KCNMB2: variants seen among roughly 807,000 people sequenced by gnomAD.
KCNMB2 encodes the protein calcium-activated potassium channel subunit beta-2.
In KCNMB2, 9 loss-of-function variants were observed where a neutral mutation model predicts 24.5. That is an observed-to-expected ratio of 0.37 (90% confidence interval 0.22 to 0.64). The LOEUF (loss-of-function observed/expected upper bound fraction) is 0.64, where lower values mean the gene tolerates loss of function less well. Among genes scored for constraint, KCNMB2 ranks in the 30% least tolerant of loss-of-function variants. The pLI, the probability that KCNMB2 is intolerant of heterozygous loss-of-function variation, is 0.63. For synonymous variants in KCNMB2, 109 were observed against 104.4 expected (o/e 1.04, Z -0.27); for missense variants, 226 against 284.3 (o/e 0.79, Z 1.47).
intron 1 of KCNMB2, among the ~76,000 whole-genome samples, chr3:178,560,136 T>C (rs1716264323): frequency 6.7e-6 from 1 of 150,102 alleles, no homozygotes; most frequent in African/African-American, 2.4e-5. Context: ...AGAAAGAAAA[T>C]AATTGGCAAG....
In KCNMB2 at chr3:178,759,141, T is replaced by TAC. The variant is rs1394594786; in HGVS notation, c.-67-48201_-67-48200insCA. The stretch of plus-strand genomic sequence containing the variant: ...TATATATATATATCTCCAAGAGGGA[T>TAC]ATATATATATATCTATCTCCAAGAG... On this transcript the variant is annotated intron_variant, in intron 1 of 4. Coordinates refer to ENST00000452583, the MANE Select transcript of KCNMB2 (RefSeq NM_181361.3). Among the ~76,000 whole-genome samples, 81 of 59,882 alleles carry TAC rather than the reference T, an allele frequency of 1.4e-3. 12 individuals are homozygous for TAC. The highest frequency in any genetic ancestry group is 3.8e-3 in the African/African-American group (41 of 10,806). The allele number at this position is 59,882 out of a possible 152,430, so 39.3% of individuals were successfully genotyped here.
intron 1 of KCNMB2, among the ~76,000 whole-genome samples, chr3:178,570,738 T>C (rs1330801302): frequency 1.3e-5 from 2 of 152,190 alleles, no homozygotes; most frequent in Non-Finnish European, 2.9e-5. Context: ...AAGAAATGAC[T>C]GTCAAGAAAA....
chr3:178,714,028 G>T (rs1424250228), intron 1 of KCNMB2, among the ~76,000 whole-genome samples: 1 of 152,026 alleles, frequency 6.6e-6, no homozygotes, highest in East Asian at 1.9e-4. Flanking sequence ...TTTTTCTGTT[G>T]CCTGTGAAAA....
At chr3:178,653,621 A>T (rs1720212298) in intron 1 of KCNMB2, among the ~76,000 whole-genome samples, 1 of 152,102 alleles carries the variant, frequency 6.6e-6, no homozygotes. Flanking sequence ...AATCTTCATC[A>T]AGTGTTTTTG....
chr3:178,743,502 G>A (rs1274436542), intron 1 of KCNMB2, among the ~76,000 whole-genome samples: 1 of 152,156 alleles, frequency 6.6e-6, no homozygotes, highest in Non-Finnish European at 1.5e-5. Context: ...GCTACTACAA[G>A]TGGCCTGACT....
chr3:178,807,231 C>A, intron 1 of KCNMB2, 112 bp from the exon 2 acceptor site: 1 of 496,986 alleles, frequency 2.0e-6, no homozygotes, highest in African/African-American at 2.0e-5. Flanking sequence ...TTTTAATATG[C>A]AGCCGGGATT....
intron 1 of KCNMB2, among the ~76,000 whole-genome samples, chr3:178,621,757 C>T (rs529235643): frequency 1.2e-4 from 19 of 152,066 alleles, no homozygotes; most frequent in Non-Finnish European, 2.4e-4. Context: ...TAAAAAAACA[C>T]ATAAGTAGAC....
intron 4 of KCNMB2, among the ~76,000 whole-genome samples, chr3:178,838,618 T>C (rs934077766): frequency 7.3e-5 from 11 of 151,520 alleles, no homozygotes; most frequent in Admixed American, 3.9e-4. Flanking sequence ...GATAAAGTCA[T>C]GGGAAAGAGT....
intron 1 of KCNMB2, among the ~76,000 whole-genome samples, chr3:178,664,397 C>G (rs1448769231): frequency 6.6e-6 from 1 of 152,102 alleles, no homozygotes; most frequent in Non-Finnish European, 1.5e-5. Flanking sequence ...CTATAAAAAT[C>G]TAAGTCTGAA....
intron 1 of KCNMB2, among the ~76,000 whole-genome samples, chr3:178,689,938 A>C (rs1721609691): frequency 6.6e-6 from 1 of 152,214 alleles, no homozygotes; most frequent in Non-Finnish European, 1.5e-5. Flanking sequence ...AAAGGAAAGG[A>C]GAGAGACCTT....
intron 1 of KCNMB2, among the ~76,000 whole-genome samples, chr3:178,588,009 G>A (rs774936571): frequency 2.6e-5 from 4 of 150,998 alleles, no homozygotes; most frequent in Non-Finnish European, 5.9e-5. Flanking sequence ...CTGTCCTTGC[G>A]ACAGTCTGCT....
intron 1 of KCNMB2, among the ~76,000 whole-genome samples, chr3:178,620,428 T>C (rs1718866862): frequency 1.3e-5 from 2 of 152,182 alleles, no homozygotes; most frequent in Non-Finnish European, 2.9e-5. Context: ...ATGAGAGGGA[T>C]ATACACAGCA....
At chr3:178,567,237 G>T (rs989695043) in intron 1 of KCNMB2, among the ~76,000 whole-genome samples, 2 of 150,394 alleles carry the variant, frequency 1.3e-5, no homozygotes, top group Non-Finnish European at 2.9e-5. Flanking sequence ...GCGTGTGAGA[G>T]TGTGTGTGTG....
rs373477944 is a variant in KCNMB2, at chr3:178,820,297, A to G, written c.57-5291A>G. Among the ~76,000 whole-genome samples the G allele has an allele frequency of 9.8e-5, 15 of 152,300 alleles. No individual in the cohort carries two copies. The East Asian group carries it at 2.7e-3, about 27-fold the overall frequency. On this transcript the variant is annotated intron_variant, in intron 2 of 4. Coordinates refer to ENST00000452583, the MANE Select transcript of KCNMB2 (RefSeq NM_181361.3). ...CAGTTTGCTTCTCCTGTACACACCTATCTAATCAGTCTCATTGCCATACAC... is the reference window on the plus strand; with the variant it reads ...CAGTTTGCTTCTCCTGTACACACCTGTCTAATCAGTCTCATTGCCATACAC...
At chr3:178,541,180 G>GA (rs1042090226) in intron 1 of KCNMB2, among the ~76,000 whole-genome samples, 4 of 151,742 alleles carry the variant, frequency 2.6e-5, no homozygotes, top group Admixed American at 6.6e-5. Flanking sequence ...ACAGGAGGGG[G>GA]AAAAAAAATC....
intron 1 of KCNMB2, among the ~76,000 whole-genome samples, chr3:178,645,085 T>C (rs1277888752): frequency 6.7e-6 from 1 of 149,476 alleles, no homozygotes; most frequent in Non-Finnish European, 1.5e-5. Context: ...AGTTTTGCTC[T>C]TGTTGCCCAG....
intron 1 of KCNMB2, among the ~76,000 whole-genome samples, chr3:178,713,492 T>A (rs1193719458): frequency 6.6e-6 from 1 of 152,198 alleles, no homozygotes; most frequent in African/African-American, 2.4e-5. Flanking sequence ...TCTTAGAGAT[T>A]ACTTTATAGA....
At chr3:178,788,016 A>G (rs111817434) in intron 1 of KCNMB2, among the ~76,000 whole-genome samples, 1 of 152,162 alleles carries the variant, frequency 6.6e-6, no homozygotes, top group African/African-American at 2.4e-5. Flanking sequence ...CTAGAGAAGT[A>G]TCTCACATTT....
At chr3:178,560,911 C>T (rs528800583) in intron 1 of KCNMB2, among the ~76,000 whole-genome samples, 2 of 152,322 alleles carry the variant, frequency 1.3e-5, no homozygotes, top group East Asian at 3.9e-4. Context: ...ACCTGAGCCA[C>T]CACCCTATAC....
Sources: gnomAD v4.1 joint callset for allele counts (sites outside exome capture counted in the v4.1 genomes callset) on GRCh38, gnomAD v4.1.1 for gene constraint, MANE v1.5 for transcripts, NCBI Gene and HGNC (gene_info 2026-07-23, HGNC 2026-07-21) for gene names.